Variants in CEACAM5 observed in about 807,000 individuals in gnomAD.
CEACAM5 encodes the protein CEA cell adhesion molecule 5.
CEACAM5 carries 52 observed loss-of-function variants against 63.0 expected under a neutral mutation model. The ratio of observed to expected loss-of-function variants is 0.83; its 90% confidence interval spans 0.66 to 1.04. The LOEUF is 1.04. CEACAM5 is among the 50% of genes least tolerant of loss of function. The pLI, the probability that CEACAM5 is intolerant of heterozygous loss-of-function variation, is 0.00. For missense variants in CEACAM5, 790 were observed against 864.8 expected (o/e 0.91, Z 1.08); for synonymous variants, 357 against 351.3 (o/e 1.02, Z -0.18).
At chr19:41,713,479 A>C (rs1555814363) in intron 2 of CEACAM5, among the ~76,000 whole-genome samples, 3 of 152,154 alleles carry the variant, frequency 2.0e-5, no homozygotes. Flanking sequence ...CATAAGACAT[A>C]CTCAATCTGT....
rs200460609 is a variant in CEACAM5, at chr19:41,727,304, T to G, written c.2097T>G (p.Val699=). 6 of 1,613,226 alleles carry G rather than the reference T, an allele frequency of 3.7e-6. No individual in the cohort carries two copies. The South Asian group carries it at 6.6e-5, about 18-fold the overall frequency. ...VGIMIGVLVG[V]ALI ...TCATGATTGGAGTGCTGGTTGGGGT[T>G]GCTCTGATATAGCAGCCCTGGTGTA... Residue 699 remains valine (V), a synonymous_variant, in exon 9 of 10, where the codon GTT becomes GTG. Coordinates refer to ENST00000221992, the MANE Select transcript of CEACAM5 (RefSeq NM_004363.6).
intron 6 of CEACAM5, among the ~76,000 whole-genome samples, chr19:41,718,856 G>A (rs1205765252): frequency 6.6e-6 from 1 of 152,234 alleles, no homozygotes; most frequent in Admixed American, 6.5e-5. Context: ...CTCTGCTCCC[G>A]GCTCCGCTCC....
In CEACAM5 at chr19:41,715,127, C is replaced by G. The variant is rs2072499179; in HGVS notation, c.581C>G (p.Ser194Cys). The change falls in exon 3 of 10, where the codon TCC (serine) becomes TGC (cysteine). Residue 194 changes from serine to cysteine, a missense_variant. Coordinates refer to ENST00000221992, the MANE Select transcript of CEACAM5 (RefSeq NM_004363.6). Reference sequence around the variant, plus strand: ...CCGGTCAGTCCCAGGCTGCAGCTGTCCAATGGCAACAGGACCCTCACTCTA... The same window carrying G: ...CCGGTCAGTCCCAGGCTGCAGCTGTGCAATGGCAACAGGACCCTCACTCTA... Reference protein sequence around the residue: ...SLPVSPRLQLSNGNRTLTLFN... With the variant: ...SLPVSPRLQLCNGNRTLTLFN... 2 of 1,614,050 alleles carry G rather than the reference C, an allele frequency of 1.2e-6. No homozygotes were observed. The highest frequency in any genetic ancestry group is 1.7e-6 in the Non-Finnish European group (2 of 1,180,032).
At chr19:41,721,718 G>A (rs782676411) in intron 8 of CEACAM5, among the ~76,000 whole-genome samples, 2 of 152,278 alleles carry the variant, frequency 1.3e-5, no homozygotes, top group Non-Finnish European at 2.9e-5. Context: ...ACCGGGGCAT[G>A]TGGAGAAGGT....
intron 9 of CEACAM5, among the ~76,000 whole-genome samples, chr19:41,728,636 A>G (rs549310318): frequency 9.2e-5 from 14 of 152,124 alleles, no homozygotes; most frequent in African/African-American, 3.4e-4. Flanking sequence ...AATACAAAAA[A>G]ATCAGCTGGG....
chr19:41,711,183 T>C (rs1304019381), intron 2 of CEACAM5, among the ~76,000 whole-genome samples: 1 of 151,994 alleles, frequency 6.6e-6, no homozygotes, highest in Non-Finnish European at 1.5e-5. Context: ...GGAGAAATAA[T>C]CAGTTTTACT....
downstream of CEACAM5, among the ~76,000 whole-genome samples, chr19:41,730,460 C>T (rs1555818117): frequency 6.6e-6 from 1 of 150,754 alleles, no homozygotes; most frequent in African/African-American, 2.4e-5. Context: ...ACTACTCTTG[C>T]TGCAGTTATG....
chr19:41,708,907 G>A (rs182639723), intron 1 of CEACAM5, 112 bp downstream of exon 1: 359 of 716,096 alleles, frequency 5.0e-4, no homozygotes, highest in Non-Finnish European at 7.4e-4. Context: ...ATAGGGAAGA[G>A]GACATCAGAG....
At chr19:41,713,708 T>C (rs1324893988) in intron 2 of CEACAM5, among the ~76,000 whole-genome samples, 1 of 152,210 alleles carries the variant, frequency 6.6e-6, no homozygotes, top group Non-Finnish European at 1.5e-5. Flanking sequence ...TCATTTAGCA[T>C]AATGTCCAAT....
Position 41,727,227 on chromosome 19 carries a change from G to A in CEACAM5, c.2027-7G>A, listed in dbSNP as rs782435618. 5.6e-6 allele frequency: 9 copies of A among 1,608,628 alleles called. No homozygotes were observed. Among genetic ancestry groups the A allele is most frequent in the South Asian group, 2.2e-5 (2 of 90,986 alleles). The stretch of plus-strand genomic sequence containing the variant: ...CTTCTCTTTTCTTTCCATGACGGAC[G>A]ATTCAGCATCTGGAACTTCTCCTGG... On this transcript the variant is annotated splice_region_variant and splice_polypyrimidine_tract_variant and intron_variant, in intron 8 of 9. Coordinates refer to ENST00000221992, the MANE Select transcript of CEACAM5 (RefSeq NM_004363.6).
intron 1 of CEACAM5, among the ~76,000 whole-genome samples, chr19:41,709,205 G>A (rs1679054167): frequency 6.6e-6 from 1 of 152,230 alleles, no homozygotes; most frequent in Admixed American, 6.5e-5. Context: ...GCACTGGGGT[G>A]CAACCAAGAT....
chr19:41,709,111 G>A (rs547621122), intron 1 of CEACAM5, among the ~76,000 whole-genome samples: 10 of 152,242 alleles, frequency 6.6e-5, no homozygotes, highest in South Asian at 2.1e-4. Flanking sequence ...CGCCTACCGC[G>A]GACATTGGAA....
intron 3 of CEACAM5, 80 bp downstream of exon 3, chr19:41,715,329 C>A (rs782453218): frequency 1.3e-6 from 2 of 1,578,448 alleles, no homozygotes; most frequent in Non-Finnish European, 8.7e-7. Context: ...CAGTCCCTCT[C>A]AGGTTCAAGT....
intron 2 of CEACAM5, among the ~76,000 whole-genome samples, chr19:41,711,793 C>T (rs1568700658): frequency 6.6e-6 from 1 of 152,166 alleles, no homozygotes; most frequent in Non-Finnish European, 1.5e-5. Flanking sequence ...GAACATCTTC[C>T]TCCACTCTTA....
At chr19:41,711,636 C>T (rs570222578) in intron 2 of CEACAM5, among the ~76,000 whole-genome samples, 87 of 152,222 alleles carry the variant, frequency 5.7e-4, no homozygotes, top group African/African-American at 1.9e-3. Context: ...TGGTCCTGGT[C>T]GGGACAGCCA....
chr19:41,716,200 G>A (rs896420078), intron 4 of CEACAM5, among the ~76,000 whole-genome samples: 6 of 152,226 alleles, frequency 3.9e-5, no homozygotes, highest in African/African-American at 1.4e-4. Flanking sequence ...GGTTCTCAAG[G>A]TCAAGTTGCT....
chr19:41,727,984 T>G (rs1600481523), intron 9 of CEACAM5, among the ~76,000 whole-genome samples: 1 of 152,306 alleles, frequency 6.6e-6, no homozygotes. Flanking sequence ...CAGGGTGACC[T>G]CCTTCCACTG....
At chr19:41,723,102 CT>C in intron 8 of CEACAM5, among the ~76,000 whole-genome samples, 1 of 151,928 alleles carries the variant, frequency 6.6e-6, no homozygotes, top group South Asian at 2.1e-4. Context: ...TTAGTAGAGA[CT>C]GAGTTTCACA....
At chr19:41,714,437 C>T (rs932384392) in intron 2 of CEACAM5, among the ~76,000 whole-genome samples, 1 of 152,184 alleles carries the variant, frequency 6.6e-6, no homozygotes, top group Admixed American at 6.5e-5. Context: ...TCTGGTGTCC[C>T]CTGTGTTATT....
Sources: allele counts gnomAD v4.1 joint callset (sites outside exome capture counted in the v4.1 genomes callset), GRCh38; gene constraint gnomAD v4.1.1; transcripts MANE v1.5; gene names NCBI Gene and HGNC (gene_info 2026-07-23, HGNC 2026-07-21).